NCKAP5: variants seen among roughly 807,000 people sequenced by gnomAD.
The protein encoded by NCKAP5 is NCK associated protein 5.
A neutral mutation model predicts 167.0 loss-of-function variants in NCKAP5; 92 were observed. The observed-to-expected ratio is 0.55, with a 90% CI of 0.47 to 0.66. NCKAP5 has a LOEUF of 0.66. Among genes scored for constraint, NCKAP5 ranks in the 30% least tolerant of loss-of-function variants. NCKAP5 has a pLI of 0.00. For synonymous variants in NCKAP5, 891 were observed against 877.4 expected (o/e 1.02, Z -0.27); for missense variants, 2,378 against 2,315.0 (o/e 1.03, Z -0.56).
chr2:133,576,847 G>A, the NCKAP5 span, among the ~76,000 whole-genome samples: 1 of 152,196 alleles, frequency 6.6e-6, no homozygotes, highest in Non-Finnish European at 1.5e-5. Context: ...GACAGAGCAT[G>A]AACTATGATT....
intron 19 of NCKAP5, among the ~76,000 whole-genome samples, chr2:132,680,084 C>A (rs1419357874): frequency 6.6e-6 from 1 of 152,036 alleles, no homozygotes; most frequent in Non-Finnish European, 1.5e-5. Context: ...GAGACCCCTC[C>A]ACACTTTTCT....
At chr2:133,342,648 A>G (rs1447851640) in intron 3 of NCKAP5, among the ~76,000 whole-genome samples, 4 of 152,058 alleles carry the variant, frequency 2.6e-5, no homozygotes, top group African/African-American at 9.7e-5. Flanking sequence ...CCCTCCAGCC[A>G]CCATCTGCAC....
intron 4 of NCKAP5, among the ~76,000 whole-genome samples, chr2:133,230,359 G>A (rs944503888): frequency 3.3e-5 from 5 of 152,218 alleles, no homozygotes; most frequent in African/African-American, 7.2e-5. Context: ...TCCTTCTAGC[G>A]TTGCTGTGGG....
intron 2 of NCKAP5, among the ~76,000 whole-genome samples, chr2:133,540,764 C>CA (rs1362716745): frequency 1.3e-5 from 2 of 151,784 alleles, no homozygotes; most frequent in East Asian, 3.9e-4. Context: ...GGTGAAACCC[C>CA]ATCACTGCTA....
intron 3 of NCKAP5, among the ~76,000 whole-genome samples, chr2:133,338,912 C>T (rs139237456): frequency 5.3e-5 from 8 of 152,150 alleles, no homozygotes; most frequent in Non-Finnish European, 8.8e-5. Flanking sequence ...CCCAGATACT[C>T]GGGAGGCTGA....
chr2:133,035,147 A>T (rs557573510), intron 6 of NCKAP5, among the ~76,000 whole-genome samples: 3 of 152,088 alleles, frequency 2.0e-5, no homozygotes, highest in Non-Finnish European at 4.4e-5. Context: ...TTTAAGACAA[A>T]AACTTTACAA....
chr2:133,664,123 T>C, the NCKAP5 span, among the ~76,000 whole-genome samples: 1 of 152,090 alleles, frequency 6.6e-6, no homozygotes, highest in African/African-American at 2.4e-5. Flanking sequence ...GGTGACCAGG[T>C]GCACTGGTGA....
intron 3 of NCKAP5, among the ~76,000 whole-genome samples, chr2:133,493,328 T>A (rs115689457): frequency 0.024 from 3,682 of 152,264 alleles, 147 homozygotes; most frequent in African/African-American, 0.084. Context: ...AGGGAAAAGG[T>A]AGCTGATAAA....
intron 6 of NCKAP5, among the ~76,000 whole-genome samples, chr2:133,024,063 A>T (rs1303370531): frequency 6.6e-6 from 1 of 152,230 alleles, no homozygotes; most frequent in Non-Finnish European, 1.5e-5. Flanking sequence ...ATATAAAAAC[A>T]TTAAATAGAC....
chr2:133,366,945 C>T (rs1319993480), intron 3 of NCKAP5, among the ~76,000 whole-genome samples: 3 of 152,140 alleles, frequency 2.0e-5, no homozygotes, highest in African/African-American at 7.2e-5. Flanking sequence ...CACAGTTTTA[C>T]TTATCACGTA....
At chr2:132,699,479 C>T (rs1687670171) in intron 19 of NCKAP5, among the ~76,000 whole-genome samples, 1 of 151,834 alleles carries the variant, frequency 6.6e-6, no homozygotes, top group Admixed American at 6.6e-5. Context: ...TCCCTCCCCA[C>T]TCCCCCCTCC....
At chr2:132,972,862 CAA>C (rs1287407851) in intron 7 of NCKAP5, among the ~76,000 whole-genome samples, 97 of 92,820 alleles carry the variant, frequency 1.0e-3, no homozygotes, top group African/African-American at 2.3e-3. Flanking sequence ...ACTCCATCTC[CAA>C]AAAAAAAAAA....
chr2:133,022,567 TCA>T (rs1276107211), intron 6 of NCKAP5, among the ~76,000 whole-genome samples: 1 of 152,138 alleles, frequency 6.6e-6, no homozygotes, highest in Non-Finnish European at 1.5e-5. Context: ...GTCTGACTCA[TCA>T]CAGAGAAAAC....
chr2:132,889,318 C>T (rs11890996), intron 8 of NCKAP5, among the ~76,000 whole-genome samples: 2,551 of 152,226 alleles, frequency 0.017, 78 homozygotes, highest in African/African-American at 0.059. Context: ...TAGTTGGTTA[C>T]ATAGCAATAA....
chr2:132,818,368 A>G (rs961405134), intron 11 of NCKAP5, among the ~76,000 whole-genome samples: 2 of 152,224 alleles, frequency 1.3e-5, no homozygotes, highest in Non-Finnish European at 2.9e-5. Context: ...AGTTTCTGAA[A>G]TGAGACCTCA....
At chr2:133,490,183 C>T (rs533721489) in intron 3 of NCKAP5, among the ~76,000 whole-genome samples, 1 of 152,286 alleles carries the variant, frequency 6.6e-6, no homozygotes, top group South Asian at 2.1e-4. Context: ...GCATCAACGG[C>T]TATAACCCTG....
intron 3 of NCKAP5, among the ~76,000 whole-genome samples, chr2:133,376,769 C>T (rs778046504): frequency 3.9e-5 from 6 of 152,170 alleles, no homozygotes; most frequent in Non-Finnish European, 8.8e-5. Context: ...CACACTGGGA[C>T]TAGAAATATG....
chr2:133,383,838 T>A (rs916529577), intron 3 of NCKAP5, among the ~76,000 whole-genome samples: 1 of 152,248 alleles, frequency 6.6e-6, no homozygotes, highest in African/African-American at 2.4e-5. Context: ...TTTTTTCATG[T>A]GTCTGTTGGC....
At chr2:133,026,917 G>A (rs909434488) in intron 6 of NCKAP5, among the ~76,000 whole-genome samples, 1 of 152,172 alleles carries the variant, frequency 6.6e-6, no homozygotes, top group Non-Finnish European at 1.5e-5. Context: ...CTCAATGCTA[G>A]CCTGTCTCTT....
Sources: gnomAD v4.1 joint callset for allele counts (sites outside exome capture counted in the v4.1 genomes callset) on GRCh38, gnomAD v4.1.1 for gene constraint, MANE v1.5 for transcripts, NCBI Gene and HGNC (gene_info 2026-07-23, HGNC 2026-07-21) for gene names.